KCNJ6: variants seen among roughly 807,000 people sequenced by gnomAD.
KCNJ6 encodes the protein potassium inwardly rectifying channel subfamily J member 6.
KCNJ6 carries 9 observed loss-of-function variants against 34.2 expected under a neutral mutation model. The observed-to-expected ratio is 0.26, with a 90% confidence interval of 0.16 to 0.46. The LOEUF (loss-of-function observed/expected upper bound fraction) is 0.46, where lower values mean the gene tolerates loss of function less well. KCNJ6 is among the 20% of genes least tolerant of loss of function. The pLI is 1.00. For synonymous variants in KCNJ6, 196 were observed against 207.1 expected (o/e 0.95, Z 0.46); for missense variants, 236 against 531.3 (o/e 0.44, Z 5.46).
At chr21:37,861,539 G>A (rs773104985) in intron 1 of KCNJ6, among the ~76,000 whole-genome samples, 2 of 152,128 alleles carry the variant, frequency 1.3e-5, no homozygotes, top group Non-Finnish European at 2.9e-5. Context: ...AAATTTTGAG[G>A]GCATGCAATT....
intron 2 of KCNJ6, among the ~76,000 whole-genome samples, chr21:37,732,401 G>A (rs1474696120): frequency 2.0e-5 from 3 of 152,184 alleles, no homozygotes; most frequent in Admixed American, 6.5e-5. Flanking sequence ...AGAGAGAAGC[G>A]AGAAAGTGAT....
At chr21:37,642,156 G>A (rs1024671097) in intron 3 of KCNJ6, among the ~76,000 whole-genome samples, 14 of 152,166 alleles carry the variant, frequency 9.2e-5, no homozygotes, top group Non-Finnish European at 1.6e-4. Flanking sequence ...AGAGGCCTTG[G>A]TTAGACATAC....
intron 3 of KCNJ6, among the ~76,000 whole-genome samples, chr21:37,651,600 G>A (rs857985): frequency 0.81 from 123,537 of 152,066 alleles, 51,389 homozygotes; most frequent in East Asian, 0.91. Context: ...GACTGAGCTT[G>A]ATGCTGGGTT....
intron 2 of KCNJ6, among the ~76,000 whole-genome samples, chr21:37,745,086 T>G (rs1409800248): frequency 2.1e-4 from 6 of 28,342 alleles, no homozygotes; most frequent in African/African-American, 6.2e-4. Context: ...TTTTTTTTTT[T>G]TTTTTTTTTT....
At chr21:37,784,180 C>T (rs1295480244) in intron 2 of KCNJ6, among the ~76,000 whole-genome samples, 1 of 152,172 alleles carries the variant, frequency 6.6e-6, no homozygotes, top group Non-Finnish European at 1.5e-5. Context: ...ATCCATGCAC[C>T]ATAAACTCTT....
At chr21:37,628,409 A>T (rs2054320127) in intron 3 of KCNJ6, among the ~76,000 whole-genome samples, 1 of 152,212 alleles carries the variant, frequency 6.6e-6, no homozygotes, top group South Asian at 2.1e-4. Context: ...AAAGAAAAGA[A>T]TTACTACAGG....
intron 2 of KCNJ6, among the ~76,000 whole-genome samples, chr21:37,785,758 C>T (rs1474627877): frequency 3.3e-5 from 5 of 152,196 alleles, no homozygotes; most frequent in African/African-American, 9.7e-5. Context: ...TCCCCCAATT[C>T]GCACATTGAA....
At chr21:37,704,291 T>A (rs1326680704) in intron 3 of KCNJ6, among the ~76,000 whole-genome samples, 1 of 116,610 alleles carries the variant, frequency 8.6e-6, no homozygotes, top group Non-Finnish European at 2.0e-5. Flanking sequence ...GTTGTACACC[T>A]TTTCCAACTT....
chr21:37,705,307 C>T (rs893270419), intron 3 of KCNJ6, among the ~76,000 whole-genome samples: 1 of 152,224 alleles, frequency 6.6e-6, no homozygotes, highest in Admixed American at 6.5e-5. Context: ...TTCATCACTT[C>T]ACCAGCTGGG....
intron 1 of KCNJ6, among the ~76,000 whole-genome samples, chr21:37,854,084 C>T (rs1052518261): frequency 6.0e-5 from 9 of 150,862 alleles, no homozygotes; most frequent in African/African-American, 1.9e-4. Context: ...TAAGCCTTAA[C>T]ATGCTAATAA....
chr21:37,779,570 G>C (rs575459747), intron 2 of KCNJ6, among the ~76,000 whole-genome samples: 1 of 152,300 alleles, frequency 6.6e-6, no homozygotes, highest in South Asian at 2.1e-4. Context: ...TTTGGTGAGA[G>C]AGTTACAGAG....
intron 2 of KCNJ6, among the ~76,000 whole-genome samples, chr21:37,794,876 A>G (rs1428542515): frequency 6.6e-6 from 1 of 152,036 alleles, no homozygotes; most frequent in Non-Finnish European, 1.5e-5. Flanking sequence ...GCATCCTAGA[A>G]CTTAAAGTAA....
Position 37,609,216 on chromosome 21 carries a change from C to T in KCNJ6, c.*15943G>A, listed in dbSNP as rs561200369. 1 of 152,234 alleles carries T rather than the reference C, an allele frequency of 6.6e-6. No individual in the cohort carries two copies. The highest frequency in any genetic ancestry group is 1.5e-5 in the Non-Finnish European group (1 of 68,024). 9.4% of individuals were successfully genotyped at this position (152,234 alleles called of 1,614,324 possible). A position where few individuals can be genotyped will look rare whatever the true frequency, so the allele number is the denominator to read the frequency against. The stretch of plus-strand genomic sequence containing the variant: ...GCACACTGACATGCACCCTAATGAC[C>T]CTCAGCTTGGGGACCCAATTCTGAC... On this transcript the variant is annotated 3_prime_UTR_variant, in exon 4 of 4. Coordinates refer to ENST00000609713, the MANE Select transcript of KCNJ6 (RefSeq NM_002240.5).
Position 37,620,374 on chromosome 21 carries a change from T to G in KCNJ6, c.*4785A>C, listed in dbSNP as rs1220529403. On this transcript the variant is annotated 3_prime_UTR_variant, in exon 4 of 4. Transcript: ENST00000609713. ...CATAGGCAATACACAGACAAATGGCTGTGGCTGTGTTCCAATAAAACTTTG... is the reference window on the plus strand; with the variant it reads ...CATAGGCAATACACAGACAAATGGCGGTGGCTGTGTTCCAATAAAACTTTG... 1 of 152,206 alleles carries G rather than the reference T, an allele frequency of 6.6e-6. No homozygotes were observed. 9.4% of individuals were successfully genotyped at this position (152,206 alleles called of 1,614,324 possible).
intron 3 of KCNJ6, among the ~76,000 whole-genome samples, chr21:37,650,211 G>T (rs565643833): frequency 2.0e-5 from 3 of 152,156 alleles, no homozygotes; most frequent in Non-Finnish European, 4.4e-5. Flanking sequence ...AGTTCCCTCT[G>T]CCCGCTTCCT....
At chr21:37,628,647 T>G (rs1013519472) in intron 3 of KCNJ6, among the ~76,000 whole-genome samples, 1 of 152,190 alleles carries the variant, frequency 6.6e-6, no homozygotes, top group African/African-American at 2.4e-5. Flanking sequence ...TGGAAAGTCT[T>G]TAGTTCAATG....
chr21:37,720,540 G>A (rs1217532582), intron 2 of KCNJ6, among the ~76,000 whole-genome samples: 12 of 152,118 alleles, frequency 7.9e-5, no homozygotes, highest in East Asian at 3.8e-4. Flanking sequence ...GGCTGGGGGC[G>A]CTGTCACAGT....
intron 3 of KCNJ6, among the ~76,000 whole-genome samples, chr21:37,646,285 C>T (rs867294396): frequency 6.6e-6 from 1 of 152,058 alleles, no homozygotes; most frequent in Non-Finnish European, 1.5e-5. Context: ...GCAAAATAAA[C>T]CCCCACCACG....
intron 1 of KCNJ6, among the ~76,000 whole-genome samples, chr21:37,853,251 A>C (rs2123593064): frequency 6.6e-6 from 1 of 152,216 alleles, no homozygotes; most frequent in African/African-American, 2.4e-5. Flanking sequence ...CTGAAAACTA[A>C]AGAAAAAGAA....
Sources: gnomAD v4.1 joint callset for allele counts (sites outside exome capture counted in the v4.1 genomes callset) on GRCh38, gnomAD v4.1.1 for gene constraint, MANE v1.5 for transcripts, NCBI Gene and HGNC (gene_info 2026-07-23, HGNC 2026-07-21) for gene names.